The following ZMYM2 variants were observed in gnomAD, a reference collection of about 807,000 sequenced individuals.
ZMYM2 encodes zinc finger MYM-type containing 2.
A neutral mutation model predicts 162.8 loss-of-function variants in ZMYM2; 56 were observed. The observed-to-expected ratio is 0.34, with a 90% CI of 0.28 to 0.43. ZMYM2 has a LOEUF of 0.43. Ranked by LOEUF, ZMYM2 falls within the 20% of genes least tolerant of loss-of-function variation. The pLI is 1.00. For missense variants in ZMYM2, 1,275 were observed against 1,621.8 expected, an observed-to-expected ratio of 0.79 and a Z score of 3.67; for synonymous variants, 510 against 541.6, an observed-to-expected ratio of 0.94 and a Z score of 0.81.
At chr13:19,919,436 G>C in the ZMYM2 span, among the ~76,000 whole-genome samples, 1 of 152,092 alleles carries the variant, frequency 6.6e-6, no homozygotes, top group African/African-American at 2.4e-5. Context: ...ATTTTCCAGA[G>C]TGGCTGCACC....
chr13:19,885,957 A>ATGTG, the ZMYM2 span, among the ~76,000 whole-genome samples: 1 of 88,038 alleles, frequency 1.1e-5, no homozygotes, highest in African/African-American at 3.5e-5. Context: ...ATATACACAT[A>ATGTG]TATATGTGTA....
At chr13:19,942,989 A>T in the ZMYM2 span, among the ~76,000 whole-genome samples, 1 of 152,164 alleles carries the variant, frequency 6.6e-6, no homozygotes, top group African/African-American at 2.4e-5. Context: ...CGGGTGGCTT[A>T]AAACAGCACA....
At chr13:19,932,122 T>C in the ZMYM2 span, among the ~76,000 whole-genome samples, 1 of 152,240 alleles carries the variant, frequency 6.6e-6, no homozygotes, top group Non-Finnish European at 1.5e-5. Flanking sequence ...AAATGTCCCA[T>C]ATGCTAGAAA....
intron 12 of ZMYM2, among the ~76,000 whole-genome samples, chr13:20,051,200 G>A (rs1955293794): frequency 6.7e-6 from 1 of 149,830 alleles, no homozygotes; most frequent in South Asian, 2.1e-4. Context: ...CTTTTGTAAT[G>A]CTGGTCTTTG....
chr13:19,979,853 G>A (rs1957150835), intron 2 of ZMYM2, among the ~76,000 whole-genome samples: 1 of 152,142 alleles, frequency 6.6e-6, no homozygotes, highest in Non-Finnish European at 1.5e-5. Context: ...TGTACAGTCA[G>A]GTTCTAGAGA....
At chr13:20,050,360 AC>A (rs900939312) in intron 12 of ZMYM2, among the ~76,000 whole-genome samples, 1 of 152,008 alleles carries the variant, frequency 6.6e-6, no homozygotes, top group African/African-American at 2.4e-5. Flanking sequence ...TTGAAATACA[AC>A]GTGAGAAATT....
At chr13:20,057,251 C>T (rs762793082) in intron 14 of ZMYM2, among the ~76,000 whole-genome samples, 6 of 151,878 alleles carry the variant, frequency 4.0e-5, no homozygotes, top group African/African-American at 1.2e-4. Flanking sequence ...TAGAGGTGGG[C>T]GCCACCATGT....
At chr13:20,005,603 C>T (rs1950678284) in intron 5 of ZMYM2, among the ~76,000 whole-genome samples, 1 of 152,088 alleles carries the variant, frequency 6.6e-6, no homozygotes, top group Admixed American at 6.6e-5. Context: ...AATAATTTTG[C>T]TGAGAAGTAG....
At chr13:19,868,595 C>G in the ZMYM2 span, among the ~76,000 whole-genome samples, 3 of 152,080 alleles carry the variant, frequency 2.0e-5, no homozygotes, top group African/African-American at 7.2e-5. Flanking sequence ...ATAGGCTTTT[C>G]AGGGAACAGA....
intron 2 of ZMYM2, among the ~76,000 whole-genome samples, chr13:19,966,511 A>G (rs574179762): frequency 1.1e-4 from 16 of 151,364 alleles, no homozygotes; most frequent in African/African-American, 3.6e-4. Context: ...TTGGAGTGCA[A>G]TGGTGTGATC....
chr13:20,025,030 A>T (rs1434276948), intron 7 of ZMYM2: 1 of 213,440 alleles, frequency 4.7e-6, no homozygotes, highest in Non-Finnish European at 9.5e-6. Flanking sequence ...CTTTTTCTTG[A>T]TGTTGATTGT....
At chr13:20,030,922 GATT>G (rs1261951958) in intron 9 of ZMYM2, among the ~76,000 whole-genome samples, 1 of 152,158 alleles carries the variant, frequency 6.6e-6, no homozygotes, top group East Asian at 1.9e-4. Flanking sequence ...GATATTTGAT[GATT>G]ATTGGAGATA....
At chr13:19,918,018 C>T in the ZMYM2 span, among the ~76,000 whole-genome samples, 1 of 152,150 alleles carries the variant, frequency 6.6e-6, no homozygotes, top group Admixed American at 6.5e-5. Flanking sequence ...GATCGTGCCA[C>T]TGCACTCCAG....
intron 2 of ZMYM2, among the ~76,000 whole-genome samples, chr13:19,988,654 A>G (rs1949368924): frequency 6.6e-6 from 1 of 152,142 alleles, no homozygotes; most frequent in Non-Finnish European, 1.5e-5. Context: ...GTGGTGGCGC[A>G]TGCCTATGGT....
intron 19 of ZMYM2, 99 bp from the exon 20 acceptor site, chr13:20,066,752 G>T (rs1956711535): frequency 1.6e-6 from 2 of 1,226,472 alleles, no homozygotes; most frequent in Admixed American, 3.3e-5. Context: ...TTGCTCAAGG[G>T]TCAATTGTAA....
chr13:19,927,365 A>AAG, the ZMYM2 span, among the ~76,000 whole-genome samples: 2 of 152,084 alleles, frequency 1.3e-5, no homozygotes, highest in Admixed American at 1.3e-4. Context: ...TCACAGAGAC[A>AAG]ACACACACAC....
chr13:20,021,418 A>G (rs1952093316), intron 7 of ZMYM2, among the ~76,000 whole-genome samples: 1 of 148,312 alleles, frequency 6.7e-6, no homozygotes, highest in Non-Finnish European at 1.5e-5. Context: ...TTTGATTCAG[A>G]ATATTGTGAA....
chr13:20,030,219 G>A (rs866548773), intron 9 of ZMYM2, among the ~76,000 whole-genome samples: 2 of 149,940 alleles, frequency 1.3e-5, no homozygotes, highest in Admixed American at 6.7e-5. Context: ...AACATAGGCC[G>A]ATTTCTTTTC....
the ZMYM2 span, among the ~76,000 whole-genome samples, chr13:19,875,926 A>G: frequency 1.2e-4 from 18 of 152,322 alleles, no homozygotes; most frequent in South Asian, 3.7e-3. Context: ...AAACTTCAGC[A>G]TCACACAAAA....
Sources: gnomAD v4.1 joint callset for allele counts (sites outside exome capture counted in the v4.1 genomes callset) on GRCh38, gnomAD v4.1.1 for gene constraint, MANE v1.5 for transcripts, NCBI Gene and HGNC (gene_info 2026-07-23, HGNC 2026-07-21) for gene names.